ASTN2: variants seen among roughly 807,000 people sequenced by gnomAD.
ASTN2 encodes astrotactin-2.
ASTN2 carries 54 observed loss-of-function variants against 139.8 expected under a neutral mutation model. The ratio of observed to expected loss-of-function variants is 0.39; its 90% CI spans 0.31 to 0.48. The LOEUF is 0.48. ASTN2 is among the 20% of genes least tolerant of loss of function. ASTN2 has a pLI of 0.95. For synonymous variants in ASTN2, 756 were observed against 719.5 expected (o/e 1.05, Z -0.81); for missense variants, 1,565 against 1,725.1 (o/e 0.91, Z 1.64).
At chr9:117,389,426 C>T (rs529038203) in intron 1 of ASTN2, among the ~76,000 whole-genome samples, 1 of 152,312 alleles carries the variant, frequency 6.6e-6, no homozygotes, top group South Asian at 2.1e-4. Flanking sequence ...CTTACTTAAA[C>T]TCAGGACTCA....
At chr9:116,846,924 T>C (rs1225803351) in intron 11 of ASTN2, among the ~76,000 whole-genome samples, 2 of 145,680 alleles carry the variant, frequency 1.4e-5, no homozygotes, top group African/African-American at 2.5e-5. Context: ...CGAAGCCTTC[T>C]GCACACAGCA....
chr9:116,733,483 C>T lies in ASTN2; in HGVS notation c.2437G>A (p.Gly813Arg). Residue 813 changes from glycine to arginine, a missense_variant, in exon 14 of 23, where the codon GGG becomes AGG. Gly to Arg is a moderately radical substitution (Grantham distance 125, BLOSUM62 -2). Transcript: ENST00000313400. ...FIKDFPQLADGLLVIPLPVEE... is the reference protein window; with the variant it reads ...FIKDFPQLADRLLVIPLPVEE... ...ACCGGCAGCGGGATCACCAACAGCCCATCGGCCAGCTGGGGAAAGTCCTTG... is the reference window on the plus strand; with the variant it reads ...ACCGGCAGCGGGATCACCAACAGCCTATCGGCCAGCTGGGGAAAGTCCTTG... 6.2e-7 allele frequency: 1 copy of T among 1,614,196 alleles called. No individual in the cohort carries two copies. The highest frequency in any genetic ancestry group is 8.5e-7 in the Non-Finnish European group (1 of 1,180,040).
At chr9:117,170,068 A>G (rs928361463) in intron 3 of ASTN2, among the ~76,000 whole-genome samples, 1 of 152,116 alleles carries the variant, frequency 6.6e-6, no homozygotes, top group Non-Finnish European at 1.5e-5. Context: ...CCTCTTGGGG[A>G]AGGTCATTGT....
intron 19 of ASTN2, among the ~76,000 whole-genome samples, chr9:116,553,243 T>G (rs1852437095): frequency 6.6e-6 from 1 of 152,086 alleles, no homozygotes; most frequent in African/African-American, 2.4e-5. Flanking sequence ...ACAAGAATGG[T>G]CGATAATCAC....
intron 10 of ASTN2, among the ~76,000 whole-genome samples, chr9:116,974,506 CTTT>C (rs3038410): frequency 1.8e-5 from 2 of 110,918 alleles, no homozygotes; most frequent in African/African-American, 3.4e-5. Context: ...TTAGCCTGGA[CTTT>C]TTTTTTTTTT....
chr9:117,149,927 T>C (rs1830289622), intron 3 of ASTN2, among the ~76,000 whole-genome samples: 1 of 152,174 alleles, frequency 6.6e-6, no homozygotes, highest in African/African-American at 2.4e-5. Flanking sequence ...ATAGCTTATC[T>C]TCAAGCAAGC....
At chr9:116,598,771 G>A (rs1854716117) in intron 19 of ASTN2, among the ~76,000 whole-genome samples, 1 of 152,178 alleles carries the variant, frequency 6.6e-6, no homozygotes, top group African/African-American at 2.4e-5. Flanking sequence ...TTTATGCTAG[G>A]AGAGGATGGA....
intron 19 of ASTN2, among the ~76,000 whole-genome samples, chr9:116,498,422 AAAAAAAC>A (rs59614260): frequency 0.085 from 12,789 of 150,884 alleles, 561 homozygotes; most frequent in East Asian, 0.15. Context: ...CCATCTCTAA[AAAAAAAC>A]AAAAAACAAA....
At chr9:117,399,458 G>A (rs1236458556) in intron 1 of ASTN2, among the ~76,000 whole-genome samples, 4 of 152,232 alleles carry the variant, frequency 2.6e-5, no homozygotes, top group East Asian at 1.9e-4. Flanking sequence ...TGCTTGGGTC[G>A]ATCAACATTT....
At chr9:116,619,975 T>C (rs986974450) in intron 18 of ASTN2, among the ~76,000 whole-genome samples, 15 of 152,152 alleles carry the variant, frequency 9.9e-5, no homozygotes, top group African/African-American at 3.6e-4. Flanking sequence ...CTGTTTTGTT[T>C]TAAATCTCAG....
At chr9:117,207,985 T>C (rs1831993765) in intron 3 of ASTN2, among the ~76,000 whole-genome samples, 1 of 152,096 alleles carries the variant, frequency 6.6e-6, no homozygotes, top group Non-Finnish European at 1.5e-5. Context: ...AACTAACACC[T>C]CAAGACCAAG....
chr9:117,258,703 A>G (rs1294024003), intron 2 of ASTN2, among the ~76,000 whole-genome samples: 1 of 152,166 alleles, frequency 6.6e-6, no homozygotes, highest in Non-Finnish European at 1.5e-5. Context: ...TCTCTGCCAC[A>G]GCCACAACAA....
intron 16 of ASTN2, among the ~76,000 whole-genome samples, chr9:116,719,650 G>A (rs1828417306): frequency 6.6e-6 from 1 of 152,140 alleles, no homozygotes; most frequent in Non-Finnish European, 1.5e-5. Context: ...GAACTCATCA[G>A]TGTGGGGATT....
At chr9:116,665,170 A>C (rs61450069) in intron 16 of ASTN2, among the ~76,000 whole-genome samples, 3,817 of 152,290 alleles carry the variant, frequency 0.025, 150 homozygotes, top group African/African-American at 0.087. Flanking sequence ...TGTACAGCCT[A>C]CAGAACTGTG....
At chr9:117,024,611 A>G (rs1838001403) in intron 6 of ASTN2, among the ~76,000 whole-genome samples, 1 of 152,108 alleles carries the variant, frequency 6.6e-6, no homozygotes, top group Non-Finnish European at 1.5e-5. Flanking sequence ...GTGTAGTGAT[A>G]AAGATAAAAC....
chr9:116,465,760 A>G lies in ASTN2; in HGVS notation c.3497+21599T>C, dbSNP rs183145669. On this transcript the variant is annotated intron_variant, in intron 20 of 22. Coordinates refer to ENST00000313400, the MANE Select transcript of ASTN2 (RefSeq NM_001365068.1). ...AAACCCACTTTGCTCTGCGGATTAG[A>G]CTAATGCAGATTCAGGAGAGTGGCT... Among the ~76,000 whole-genome samples the G allele has an allele frequency of 1.6e-3, 243 of 152,308 alleles. 3 individuals are homozygous for G. The highest frequency in any genetic ancestry group is 5.6e-3 in the African/African-American group (234 of 41,568).
At chr9:116,585,342 T>G (rs981327360) in intron 19 of ASTN2, 1 of 152,214 alleles carries the variant, frequency 6.6e-6, no homozygotes, top group South Asian at 2.1e-4. Context: ...ATGTTCCCAG[T>G]AGAGTGCCTG....
intron 10 of ASTN2, among the ~76,000 whole-genome samples, chr9:116,958,312 C>T (rs7853786): frequency 0.18 from 26,647 of 151,964 alleles, 2,674 homozygotes; most frequent in African/African-American, 0.27. Flanking sequence ...CAACACTGGC[C>T]GGGCGTGGTG....
intron 19 of ASTN2, among the ~76,000 whole-genome samples, chr9:116,559,469 T>C (rs1852798550): frequency 6.6e-6 from 1 of 151,386 alleles, no homozygotes; most frequent in African/African-American, 2.4e-5. Context: ...AATTAAATTA[T>C]GATCTATGGT....
Sources: allele counts gnomAD v4.1 joint callset (sites outside exome capture counted in the v4.1 genomes callset), GRCh38; gene constraint gnomAD v4.1.1; transcripts MANE v1.5; gene names NCBI Gene and HGNC (gene_info 2026-07-23, HGNC 2026-07-21).